The following VWA3A variants were observed in gnomAD, a reference collection of about 807,000 sequenced individuals.
VWA3A encodes von Willebrand factor A domain containing 3A.
In VWA3A, 134 loss-of-function variants were observed where a neutral mutation model predicts 160.4. That is an observed-to-expected ratio of 0.84 (90% CI 0.73 to 0.96). The LOEUF is 0.96. Ranked by LOEUF, VWA3A falls within the 40% of genes least tolerant of loss-of-function variation. The pLI is 0.00. For missense variants in VWA3A, 1,310 were observed against 1,447.9 expected, an observed-to-expected ratio of 0.90 and a Z score of 1.55; for synonymous variants, 476 against 543.4, an observed-to-expected ratio of 0.88 and a Z score of 1.72.
intron 16 of VWA3A, among the ~76,000 whole-genome samples, chr16:22,125,646 A>G (rs887180046): frequency 1.4e-4 from 21 of 152,024 alleles, no homozygotes; most frequent in African/African-American, 3.6e-4. Context: ...GATGGTCCCA[A>G]TCTCCTGACC....
chr16:22,108,433 A>G (rs1301705419), intron 6 of VWA3A, among the ~76,000 whole-genome samples: 1 of 152,124 alleles, frequency 6.6e-6, no homozygotes, highest in Non-Finnish European at 1.5e-5. Context: ...AACTGGAAAA[A>G]GGTGAAGTAT....
chr16:22,148,344 A>G (rs1441772169), intron 28 of VWA3A, 38 bp downstream of exon 28: 2 of 1,562,258 alleles, frequency 1.3e-6, no homozygotes, highest in African/African-American at 1.4e-5. Context: ...TCAAAGGGGC[A>G]GTTCCTGGGG....
chr16:22,097,393 A>T (rs1271924294), intron 2 of VWA3A, among the ~76,000 whole-genome samples, 179 bp from the exon 3 acceptor site: 1 of 152,170 alleles, frequency 6.6e-6, no homozygotes, highest in Non-Finnish European at 1.5e-5. Flanking sequence ...AAATAATAAA[A>T]TATCTCATGG....
chr16:22,131,165 C>G (rs2141956664), intron 17 of VWA3A, 40 bp from the exon 18 acceptor site: 1 of 1,600,430 alleles, frequency 6.2e-7, no homozygotes, highest in East Asian at 2.2e-5. Context: ...CCAAGTGGAC[C>G]TCCCCCAGCC....
chr16:22,106,055 A>G (rs901059543), intron 6 of VWA3A, among the ~76,000 whole-genome samples: 2 of 152,210 alleles, frequency 1.3e-5, no homozygotes, highest in Non-Finnish European at 2.9e-5. Context: ...AACAAAGCTG[A>G]GTAAGGGAAC....
intron 17 of VWA3A, 38 bp downstream of exon 17, chr16:22,126,335 G>A (rs537440747): frequency 7.0e-5 from 112 of 1,594,570 alleles, no homozygotes; most frequent in Middle Eastern, 5.1e-4. Flanking sequence ...AGGGTGGGTC[G>A]TGTGTGTTTG....
chr16:22,115,914 G>GAAGGAAGGAAAGGA (rs1159917175), intron 9 of VWA3A, among the ~76,000 whole-genome samples: 1 of 35,674 alleles, frequency 2.8e-5, no homozygotes, highest in Non-Finnish European at 4.0e-5. Context: ...AGGAAGGAAG[G>GAAGGAAGGAAAGGA]AAGGAAGGAA....
intron 15 of VWA3A, 195 bp downstream of exon 15, chr16:22,123,360 A>T: frequency 3.7e-6 from 5 of 1,349,180 alleles, no homozygotes; most frequent in Non-Finnish European, 5.0e-6. Flanking sequence ...CTTTAAAAAA[A>T]AAAAAGGCTT....
intron 22 of VWA3A, among the ~76,000 whole-genome samples, chr16:22,139,894 CAT>C (rs1250094887): frequency 6.6e-6 from 1 of 152,130 alleles, no homozygotes; most frequent in Non-Finnish European, 1.5e-5. Flanking sequence ...CACACACACA[CAT>C]GCATACATAC....
Position 22,132,927 on chromosome 16 carries a change from G to A in VWA3A, c.1900G>A (p.Ala634Thr), listed in dbSNP as rs2141963702. 1.2e-6 allele frequency: 2 copies of A among 1,613,680 alleles called. No individual in the cohort carries two copies. Among genetic ancestry groups the A allele is most frequent in the South Asian group, 1.1e-5 (1 of 91,064 alleles). Reference sequence around the variant, plus strand: ...TACACTCAGTGCCTACATGGCTGAGGCCTGTGGCGGCTGCGACCTCCAGCT... The same window carrying A: ...TACACTCAGTGCCTACATGGCTGAGACCTGTGGCGGCTGCGACCTCCAGCT... ...MPTLSAYMAEACGGCDLQLNV... is the reference protein window; with the variant it reads ...MPTLSAYMAETCGGCDLQLNV... The change falls in exon 20 of 34, where the codon GCC becomes ACC. Residue 634 changes from alanine (A) to threonine (T), a missense_variant. Transcript: ENST00000389398.
chr16:22,149,834 CGCT>C lies in VWA3A; in HGVS notation c.3034_3036del (p.Leu1012del). 6.2e-7 allele frequency: 1 copy of C among 1,600,874 alleles called. No homozygotes were observed. Among genetic ancestry groups the C allele is most frequent in the Non-Finnish European group, 8.5e-7 (1 of 1,173,842 alleles). ...GAGAGCTTTCAGTCATGGCAGGACA[CGCT>C]GGTGGAGACCACAGATGCAGCGTGT... On this transcript the variant is annotated inframe_deletion, in exon 29 of 34. Coordinates refer to ENST00000389398, the MANE Select transcript of VWA3A (RefSeq NM_173615.5).
At position 22,118,991 on chromosome 16, in the gene VWA3A, C is replaced by T. The variant is rs750564904; in HGVS notation, c.1080C>T (p.Ser360=). 5 of 1,613,708 alleles carry T rather than the reference C, an allele frequency of 3.1e-6. No homozygotes were observed. The highest frequency in any genetic ancestry group is 2.2e-5 in the East Asian group (1 of 44,874). ...LLSHVQALQH[S]SPCEALTCTM... is the part of the protein sequence containing the mutation. ...GCCACGTGCAAGCCCTGCAGCACAG[C>T]AGCCCCTGTGAGGCGCTCACCTGCA... Residue 360 remains serine (S), a synonymous_variant, in exon 12 of 34, where the codon AGC becomes AGT. Coordinates refer to ENST00000389398, the MANE Select transcript of VWA3A (RefSeq NM_173615.5).
At chr16:22,138,543 G>T (rs200286865) in intron 22 of VWA3A, 31 bp downstream of exon 22, 24 of 1,612,438 alleles carry the variant, frequency 1.5e-5, no homozygotes, top group Non-Finnish European at 1.9e-5. Flanking sequence ...ACACGCAGAA[G>T]ATTTGGTTTC....
rs2046081961 is a variant in VWA3A, at chr16:22,138,346, C to T, written c.2140-14C>T. 1.9e-6 allele frequency: 3 copies of T among 1,573,606 alleles called. No homozygotes were observed. Among genetic ancestry groups the T allele is most frequent in the Non-Finnish European group, 2.6e-6 (3 of 1,160,264 alleles). ...TGGCTGGGGGTGCCACTGACCCTCC[C>T]AATCCCACTGCAGTGTGCCTTCCTC... On this transcript the variant is annotated splice_polypyrimidine_tract_variant and intron_variant, in intron 21 of 33. Coordinates refer to ENST00000389398, the MANE Select transcript of VWA3A (RefSeq NM_173615.5).
chr16:22,152,415 A>C (rs2142032803), intron 30 of VWA3A, 96 bp from the exon 31 acceptor site: 1 of 1,491,238 alleles, frequency 6.7e-7, no homozygotes, highest in East Asian at 2.4e-5. Context: ...ATTTCTCTTA[A>C]GCCCCACGGA....
At chr16:22,123,350 CT>C (rs2141921863) in intron 15 of VWA3A, 185 bp downstream of exon 15, 70 of 1,266,098 alleles carry the variant, frequency 5.5e-5, no homozygotes, top group Middle Eastern at 1.9e-4. Flanking sequence ...ACCTCAATGC[CT>C]TTAAAAAAAA....
intron 22 of VWA3A, among the ~76,000 whole-genome samples, chr16:22,138,971 C>T (rs1233829209): frequency 6.6e-6 from 1 of 152,020 alleles, no homozygotes; most frequent in Non-Finnish European, 1.5e-5. Context: ...CAATTCTGTC[C>T]TCCATAAAAT....
chr16:22,096,394 A>C (rs2045321737), intron 1 of VWA3A, among the ~76,000 whole-genome samples: 1 of 152,188 alleles, frequency 6.6e-6, no homozygotes, highest in South Asian at 2.1e-4. Context: ...CAGGAGTTCG[A>C]GGCTGCCATA....
chr16:22,148,048 G>A, intron 27 of VWA3A, 114 bp from the exon 28 acceptor site: 3 of 1,316,942 alleles, frequency 2.3e-6, no homozygotes, highest in Non-Finnish European at 3.0e-6. Context: ...TCAATGATCA[G>A]GCAGGCAACA....
Sources: gnomAD v4.1 joint callset for allele counts (sites outside exome capture counted in the v4.1 genomes callset) on GRCh38, gnomAD v4.1.1 for gene constraint, MANE v1.5 for transcripts, NCBI Gene and HGNC (gene_info 2026-07-23, HGNC 2026-07-21) for gene names.